Variants in CHD1L observed in about 807,000 individuals in gnomAD.
CHD1L encodes ATP-dependent chromatin remodeler CHD1L.
Under a neutral mutation model 115.9 loss-of-function variants are expected in CHD1L, and 118 were observed. That is an observed-to-expected ratio of 1.02 (90% CI 0.88 to 1.19). The LOEUF is 1.19. Among genes scored for constraint, CHD1L ranks in the 50% most tolerant of loss-of-function variants. The pLI is 0.00. For missense variants in CHD1L, 1,179 were observed against 1,065.3 expected (o/e 1.11, Z -1.49); for synonymous variants, 411 against 387.1 (o/e 1.06, Z -0.72).
At chr1:147,274,393 T>G (rs2102715803) in intron 12 of CHD1L, among the ~76,000 whole-genome samples, 1 of 152,330 alleles carries the variant, frequency 6.6e-6, no homozygotes, top group Non-Finnish European at 1.5e-5. Flanking sequence ...AACTTCAACT[T>G]GATACGAAGA....
intron 19 of CHD1L, among the ~76,000 whole-genome samples, chr1:147,290,065 T>TA (rs1304400793): frequency 6.6e-6 from 1 of 152,170 alleles, no homozygotes; most frequent in Non-Finnish European, 1.5e-5. Flanking sequence ...ACAGGGTCTG[T>TA]AAAATAAAAG....
chr1:147,291,058 C>T, intron 19 of CHD1L, among the ~76,000 whole-genome samples: 1 of 152,192 alleles, frequency 6.6e-6, no homozygotes, highest in Admixed American at 6.5e-5. Flanking sequence ...TCTTCACTAT[C>T]AGTTTTACTT....
chr1:147,212,604 G>GT, the CHD1L span: 1,777 of 1,426,912 alleles, frequency 1.2e-3, no homozygotes, highest in Non-Finnish European at 9.9e-4. Flanking sequence ...CAAGTCATTT[G>GT]TTTTTTTTGC....
chr1:147,294,279 C>T (rs587693457), intron 21 of CHD1L, 130 bp from the exon 22 acceptor site: 20 of 521,900 alleles, frequency 3.8e-5, no homozygotes, highest in Admixed American at 1.1e-4. Flanking sequence ...ATTCTTCCCC[C>T]GGAATATTTT....
In CHD1L at chr1:147,266,033, GGCATGTCA is replaced by G. The variant is rs1553948050; in HGVS notation, c.846_853del (p.Met282IlefsTer18). Reference sequence around the variant, plus strand: ...GAAGACAGAAGTAGTGATATACCATGGCATGTCAGCATTGCAGAAGAAATACTACAAGG... The same window carrying G: ...GAAGACAGAAGTAGTGATATACCATGGCATTGCAGAAGAAATACTACAAGG... On this transcript the variant is annotated frameshift_variant, in exon 8 of 23. Coordinates refer to ENST00000369258, the MANE Select transcript of CHD1L (RefSeq NM_004284.6). LOFTEE classifies it high-confidence loss of function. The G allele has an allele frequency of 6.2e-7, 1 of 1,613,658 alleles. No homozygotes were observed.
chr1:147,262,832 T>G (rs968454851), intron 6 of CHD1L, among the ~76,000 whole-genome samples: 3 of 151,736 alleles, frequency 2.0e-5, no homozygotes, highest in African/African-American at 7.3e-5. Context: ...CCCCTCCAAA[T>G]CAAAATATAG....
At chr1:147,204,383 C>T in the CHD1L span, 1 of 1,063,580 alleles carries the variant, frequency 9.4e-7, no homozygotes, top group Non-Finnish European at 1.5e-6. Context: ...CATGCCTGAA[C>T]AATAAGCTTG....
At chr1:147,224,090 C>A in the CHD1L span, 1 of 364,972 alleles carries the variant, frequency 2.7e-6, no homozygotes, top group Non-Finnish European at 5.4e-6. Context: ...AATGGGGGTC[C>A]CTTACTGCAT....
chr1:147,282,364 G>C (rs1260211587), intron 15 of CHD1L, among the ~76,000 whole-genome samples: 2 of 152,190 alleles, frequency 1.3e-5, no homozygotes, highest in East Asian at 3.9e-4. Flanking sequence ...TGGCACTCCT[G>C]CTCTTTGGGG....
the CHD1L span, chr1:147,224,120 T>C: frequency 1.8e-5 from 6 of 338,522 alleles, no homozygotes; most frequent in African/African-American, 4.4e-5. Flanking sequence ...TGAGGTAAGA[T>C]TGGGATGTCT....
At chr1:147,237,583 C>A in the CHD1L span, among the ~76,000 whole-genome samples, 1 of 152,138 alleles carries the variant, frequency 6.6e-6, no homozygotes, top group Non-Finnish European at 1.5e-5. Flanking sequence ...TTCCTGGTTC[C>A]CCCAGCTCCA....
the CHD1L span, among the ~76,000 whole-genome samples, chr1:147,193,140 G>A: frequency 6.6e-6 from 1 of 152,016 alleles, no homozygotes; most frequent in East Asian, 1.9e-4. Context: ...ATCTGGTCCT[G>A]GACTCTTTTT....
intron 9 of CHD1L, among the ~76,000 whole-genome samples, chr1:147,267,843 A>G (rs1674562781): frequency 1.3e-5 from 2 of 152,140 alleles, no homozygotes. Flanking sequence ...TCATTACATG[A>G]AGAGTCAAGA....
chr1:147,295,090 AGAATT>A (rs1553975594), intron 22 of CHD1L, among the ~76,000 whole-genome samples: 1 of 152,214 alleles, frequency 6.6e-6, no homozygotes, highest in Non-Finnish European at 1.5e-5. Flanking sequence ...TAGAGAAAGC[AGAATT>A]GACCCCAAGT....
chr1:147,211,058 G>A, the CHD1L span: 7 of 152,178 alleles, frequency 4.6e-5, no homozygotes, highest in Admixed American at 3.3e-4. Flanking sequence ...CAGCAATTGA[G>A]TTTCTTCAGC....
At chr1:147,206,979 T>G in the CHD1L span, among the ~76,000 whole-genome samples, 1 of 151,668 alleles carries the variant, frequency 6.6e-6, no homozygotes, top group Admixed American at 6.6e-5. Flanking sequence ...ACATGACAAC[T>G]AAATGTAATG....
chr1:147,184,419 T>A, the CHD1L span: 1 of 1,365,806 alleles, frequency 7.3e-7, no homozygotes, highest in African/African-American at 1.5e-5. The surrounding 1 kb of genome is among the most constrained non-coding windows in gnomAD (Gnocchi z 4.4). Flanking sequence ...TTTATTAATA[T>A]TCCCTTAATT....
At chr1:147,201,623 T>C in the CHD1L span, 3 of 707,864 alleles carry the variant, frequency 4.2e-6, no homozygotes, top group Non-Finnish European at 2.4e-6. Context: ...CCTTGGTCTA[T>C]GCATGAAGTT....
rs1255711634 is a variant in CHD1L, at chr1:147,256,518, C to T, written c.463-13C>T. ...AATGCCAGCCTTTATAACGTGTCTTCCTAATTTTTCAGATTTGCTTGAAAG... is the reference window on the plus strand; with the variant it reads ...AATGCCAGCCTTTATAACGTGTCTTTCTAATTTTTCAGATTTGCTTGAAAG... On this transcript the variant is annotated splice_polypyrimidine_tract_variant and intron_variant, in intron 4 of 22. Coordinates refer to ENST00000369258, the MANE Select transcript of CHD1L (RefSeq NM_004284.6). 6.2e-7 allele frequency: 1 copy of T among 1,612,314 alleles called. No homozygotes were observed. Among genetic ancestry groups the T allele is most frequent in the Non-Finnish European group, 8.5e-7 (1 of 1,178,566 alleles).
Sources: gnomAD v4.1 joint callset for allele counts (sites outside exome capture counted in the v4.1 genomes callset) on GRCh38, gnomAD v4.1.1 for gene constraint, Gnocchi (gnomAD v3.1) non-coding constraint, MANE v1.5 for transcripts, NCBI Gene and HGNC (gene_info 2026-07-23, HGNC 2026-07-21) for gene names.